Variants in XRCC4 observed in about 807,000 individuals in gnomAD.
XRCC4 encodes DNA repair protein XRCC4.
Under a neutral mutation model 39.1 loss-of-function variants are expected in XRCC4, and 28 were observed. That is an observed-to-expected ratio of 0.72 (90% CI 0.53 to 0.98). The LOEUF is 0.98. Ranked by LOEUF, XRCC4 falls within the 50% of genes least tolerant of loss-of-function variation. XRCC4 has a pLI of 0.00. For synonymous variants in XRCC4, 123 were observed against 126.4 expected (o/e 0.97, Z 0.18); for missense variants, 350 against 376.4 (o/e 0.93, Z 0.58).
intron 6 of XRCC4, among the ~76,000 whole-genome samples, chr5:83,206,066 G>T (rs961501871): frequency 2.0e-5 from 3 of 152,134 alleles, no homozygotes; most frequent in Admixed American, 6.6e-5. Context: ...ACCTCATCAC[G>T]TGTAGGGCGA....
chr5:83,335,931 C>G (rs554827078), intron 7 of XRCC4, among the ~76,000 whole-genome samples: 12 of 151,908 alleles, frequency 7.9e-5, no homozygotes, highest in Non-Finnish European at 1.3e-4. Flanking sequence ...ATGTGGAAAA[C>G]TACACATAAG....
At chr5:83,299,601 T>A (rs1755207551) in intron 7 of XRCC4, among the ~76,000 whole-genome samples, 1 of 152,156 alleles carries the variant, frequency 6.6e-6, no homozygotes, top group African/African-American at 2.4e-5. Context: ...TCTGACTTTT[T>A]ATGTTGAATT....
rs139740740 is a variant in XRCC4 at position 83,260,127 on chromosome 5, G to A, written c.893+1450G>A. On this transcript the variant is annotated intron_variant, in intron 7 of 7. Coordinates refer to ENST00000396027, the MANE Select transcript of XRCC4 (RefSeq NM_003401.5). ...CCCATTGTGCACTAAATTCTTTCCG[G>A]TTTGTGTTTATCATTTGAATTTATT... 4.5e-4 allele frequency among the ~76,000 whole-genome samples: 68 copies of A among 152,066 alleles called. No homozygotes were observed. In the East Asian group the frequency reaches 9.6e-3, roughly 22 times the overall value.
the XRCC4 span, among the ~76,000 whole-genome samples, chr5:83,361,120 G>T: frequency 6.6e-6 from 1 of 152,086 alleles, no homozygotes; most frequent in South Asian, 2.1e-4. Flanking sequence ...GTTTTCTTAT[G>T]CATACAATGA....
chr5:83,092,007 A>G (rs1745451336), intron 1 of XRCC4, among the ~76,000 whole-genome samples: 1 of 152,124 alleles, frequency 6.6e-6, no homozygotes, highest in South Asian at 2.1e-4. Flanking sequence ...CTTTTTCTCC[A>G]CCTTCTTGCA....
intron 3 of XRCC4, among the ~76,000 whole-genome samples, chr5:83,150,748 A>G (rs909995278): frequency 6.6e-6 from 1 of 152,164 alleles, no homozygotes; most frequent in African/African-American, 2.4e-5. Context: ...CATGACAGCC[A>G]TAAATCAGCA....
chr5:83,226,292 T>C (rs1752288002), intron 6 of XRCC4, among the ~76,000 whole-genome samples: 1 of 152,088 alleles, frequency 6.6e-6, no homozygotes. Flanking sequence ...CATTAATTCC[T>C]TGATACTAAG....
At chr5:83,373,976 T>C in the XRCC4 span, among the ~76,000 whole-genome samples, 1 of 152,058 alleles carries the variant, frequency 6.6e-6, no homozygotes, top group Admixed American at 6.6e-5. Flanking sequence ...AGAAAAAACA[T>C]GTAAGTTATT....
chr5:83,314,838 C>G (rs904916082), intron 7 of XRCC4, among the ~76,000 whole-genome samples: 12 of 152,084 alleles, frequency 7.9e-5, no homozygotes, highest in African/African-American at 2.9e-4. Context: ...ATGTCCCTCC[C>G]TCTCCTCAGG....
chr5:83,201,771 C>T (rs112627406), intron 4 of XRCC4: 4,232 of 152,932 alleles, frequency 0.028, 170 homozygotes, highest in African/African-American at 0.085. Context: ...AGGCCAGGTG[C>T]GGTGGCTCAC....
intron 3 of XRCC4, among the ~76,000 whole-genome samples, chr5:83,113,379 A>G (rs751572495): frequency 1.6e-4 from 24 of 151,972 alleles, no homozygotes; most frequent in African/African-American, 2.2e-4. Context: ...GGCTGCTTTC[A>G]TGGGCTGGCA....
At chr5:83,231,075 G>A (rs1752478719) in intron 6 of XRCC4, among the ~76,000 whole-genome samples, 2 of 152,014 alleles carry the variant, frequency 1.3e-5, no homozygotes, top group Admixed American at 6.6e-5. Flanking sequence ...GTAAGGAGAG[G>A]CAGCATAGCC....
intron 7 of XRCC4, among the ~76,000 whole-genome samples, chr5:83,299,119 G>A (rs1401731662): frequency 6.6e-6 from 1 of 151,864 alleles, no homozygotes; most frequent in African/African-American, 2.4e-5. Context: ...AAGTTCCACT[G>A]GAAGCAAACT....
chr5:83,144,564 C>T (rs1195776002), intron 3 of XRCC4, among the ~76,000 whole-genome samples: 1 of 98,130 alleles, frequency 1.0e-5, no homozygotes, highest in Non-Finnish European at 2.0e-5. Flanking sequence ...CCCCCCCCCC[C>T]CACCCCCACG....
intron 3 of XRCC4, among the ~76,000 whole-genome samples, chr5:83,160,672 A>G (rs1443369589): frequency 6.6e-6 from 1 of 152,146 alleles, no homozygotes; most frequent in African/African-American, 2.4e-5. Context: ...TAGCATGTTC[A>G]TGTAGGAAGT....
chr5:83,356,118 T>C (rs1757187522), downstream of XRCC4, among the ~76,000 whole-genome samples: 1 of 152,124 alleles, frequency 6.6e-6, no homozygotes, highest in Non-Finnish European at 1.5e-5. Flanking sequence ...GAAATTTAAA[T>C]ATATAATTAT....
At chr5:83,365,227 C>T in the XRCC4 span, among the ~76,000 whole-genome samples, 2,983 of 152,200 alleles carry the variant, frequency 0.02, 101 homozygotes, top group African/African-American at 0.067. Flanking sequence ...TTTCAGACCA[C>T]GCTATAACTG....
intron 3 of XRCC4, among the ~76,000 whole-genome samples, chr5:83,145,188 C>T (rs1748394874): frequency 6.6e-6 from 1 of 152,224 alleles, no homozygotes; most frequent in Non-Finnish European, 1.5e-5. Flanking sequence ...AACCACCACG[C>T]TCGGCTCATA....
chr5:83,184,587 A>G (rs2940541), intron 3 of XRCC4, among the ~76,000 whole-genome samples: 2,190 of 152,208 alleles, frequency 0.014, 26 homozygotes, highest in Non-Finnish European at 0.025. Flanking sequence ...TGAGAAAAAA[A>G]TTACTCACAA....
Sources: allele counts gnomAD v4.1 joint callset (sites outside exome capture counted in the v4.1 genomes callset), GRCh38; gene constraint gnomAD v4.1.1; transcripts MANE v1.5; gene names NCBI Gene and HGNC (gene_info 2026-07-23, HGNC 2026-07-21).